The following LRRTM4 variants were observed in gnomAD, a reference collection of about 807,000 sequenced individuals.
LRRTM4 encodes leucine rich repeat transmembrane neuronal 4.
LRRTM4 carries 25 observed loss-of-function variants against 47.6 expected under a neutral mutation model. That is an observed-to-expected ratio of 0.53 (90% confidence interval 0.38 to 0.73). LRRTM4 has a LOEUF of 0.73. Among genes scored for constraint, LRRTM4 ranks in the 30% least tolerant of loss-of-function variants. The pLI is 0.00. For synonymous variants in LRRTM4, 311 were observed against 269.5 expected (o/e 1.15, Z -1.51); for missense variants, 638 against 713.4 (o/e 0.89, Z 1.20).
chr2:76,803,726 A>G (rs1675820948), intron 3 of LRRTM4, among the ~76,000 whole-genome samples: 1 of 152,126 alleles, frequency 6.6e-6, no homozygotes, highest in Non-Finnish European at 1.5e-5. Context: ...TACAAGTTAC[A>G]AGGGTTAACA....
intron 3 of LRRTM4, among the ~76,000 whole-genome samples, chr2:77,005,080 A>G (rs1677587416): frequency 6.6e-6 from 1 of 151,304 alleles, no homozygotes; most frequent in Non-Finnish European, 1.5e-5. Context: ...TTGGACTTGG[A>G]CTTTTGGGTT....
intron 3 of LRRTM4, among the ~76,000 whole-genome samples, chr2:77,242,265 A>G (rs1675288819): frequency 6.6e-6 from 1 of 152,100 alleles, no homozygotes; most frequent in African/African-American, 2.4e-5. Flanking sequence ...GTAGGAATAA[A>G]TTTCTGTCTG....
At chr2:77,229,680 G>A (rs1674911338) in intron 3 of LRRTM4, among the ~76,000 whole-genome samples, 1 of 152,138 alleles carries the variant, frequency 6.6e-6, no homozygotes, top group Non-Finnish European at 1.5e-5. Flanking sequence ...TACCTCTGCA[G>A]TCTATGGCAT....
chr2:76,809,820 G>A (rs968117378), intron 3 of LRRTM4, among the ~76,000 whole-genome samples: 16 of 152,016 alleles, frequency 1.1e-4, no homozygotes, highest in Non-Finnish European at 8.8e-5. Context: ...ATAATCCTTG[G>A]ACATGCTGAG....
At chr2:77,378,588 T>G (rs897720482) in intron 3 of LRRTM4, among the ~76,000 whole-genome samples, 1 of 152,182 alleles carries the variant, frequency 6.6e-6, no homozygotes, top group African/African-American at 2.4e-5. Flanking sequence ...AAAGTTCAAC[T>G]TGTGCTTGGA....
intron 3 of LRRTM4, among the ~76,000 whole-genome samples, chr2:77,232,712 A>G (rs891247579): frequency 6.6e-6 from 1 of 152,244 alleles, no homozygotes; most frequent in African/African-American, 2.4e-5. Flanking sequence ...CTATGAACGT[A>G]TTGTTGCAAA....
intron 3 of LRRTM4, among the ~76,000 whole-genome samples, chr2:76,916,564 G>A (rs190052911): frequency 2.6e-5 from 4 of 152,068 alleles, no homozygotes; most frequent in East Asian, 1.9e-4. Flanking sequence ...TAGGCAATTT[G>A]CAATTAAAAA....
At chr2:77,491,200 G>T (rs904536717) in intron 3 of LRRTM4, among the ~76,000 whole-genome samples, 3 of 152,052 alleles carry the variant, frequency 2.0e-5, no homozygotes, top group Non-Finnish European at 4.4e-5. Flanking sequence ...GAAAAGTAAA[G>T]TGACACAGAA....
At chr2:77,294,243 A>C (rs958105287) in intron 3 of LRRTM4, among the ~76,000 whole-genome samples, 9 of 151,614 alleles carry the variant, frequency 5.9e-5, no homozygotes, top group Non-Finnish European at 1.3e-4. Flanking sequence ...TTCGATCAAT[A>C]GTGACTTTTT....
chr2:76,893,191 A>AT (rs1029437592), intron 3 of LRRTM4, among the ~76,000 whole-genome samples: 1 of 151,684 alleles, frequency 6.6e-6, no homozygotes, highest in African/African-American at 2.4e-5. Flanking sequence ...CATTAGTTAC[A>AT]TTTTGTATTA....
chr2:77,059,218 T>C (rs1321435229), intron 3 of LRRTM4, among the ~76,000 whole-genome samples: 1 of 152,158 alleles, frequency 6.6e-6, no homozygotes, highest in African/African-American at 2.4e-5. Context: ...CACTTCAAAA[T>C]AAACATATTG....
At chr2:76,843,263 G>T (rs1671741217) in intron 3 of LRRTM4, among the ~76,000 whole-genome samples, 1 of 152,008 alleles carries the variant, frequency 6.6e-6, no homozygotes, top group Admixed American at 6.6e-5. Flanking sequence ...TTTGTCCAGG[G>T]TCTATTCTTT....
chr2:76,956,544 T>G (rs1675680697), intron 3 of LRRTM4, among the ~76,000 whole-genome samples: 2 of 150,906 alleles, frequency 1.3e-5, no homozygotes, highest in African/African-American at 4.9e-5. Flanking sequence ...ACTTTATACC[T>G]CAAAGAACTA....
chr2:77,454,676 T>C (rs4561696), intron 3 of LRRTM4, among the ~76,000 whole-genome samples: 6,214 of 152,260 alleles, frequency 0.041, 134 homozygotes, highest in Non-Finnish European at 0.058. Context: ...AAAGGGTTTT[T>C]AAATTTGTTT....
At chr2:76,943,205 T>C (rs1675210104) in intron 3 of LRRTM4, among the ~76,000 whole-genome samples, 1 of 152,116 alleles carries the variant, frequency 6.6e-6, no homozygotes, top group Non-Finnish European at 1.5e-5. Flanking sequence ...CTGTGATGGG[T>C]TCAGAACACC....
chr2:76,796,971 G>A (rs1197435674), intron 3 of LRRTM4, among the ~76,000 whole-genome samples: 1 of 152,076 alleles, frequency 6.6e-6, no homozygotes, highest in Admixed American at 6.5e-5. Context: ...TATGTGAAAA[G>A]ACCAAATCTA....
chr2:76,951,484 GACC>G (rs1675492527), intron 3 of LRRTM4, among the ~76,000 whole-genome samples: 1 of 151,862 alleles, frequency 6.6e-6, no homozygotes, highest in Non-Finnish European at 1.5e-5. Flanking sequence ...CAGGTCACTG[GACC>G]ACATCTTTTT....
At chr2:77,009,113 G>C (rs1558794969) in intron 3 of LRRTM4, 2 of 152,010 alleles carry the variant, frequency 1.3e-5, no homozygotes, top group Non-Finnish European at 2.9e-5. Flanking sequence ...CAATGAAAAA[G>C]TTTGTCAAAA....
chr2:77,073,448 C>A (rs1680229130), intron 3 of LRRTM4, among the ~76,000 whole-genome samples: 1 of 151,888 alleles, frequency 6.6e-6, no homozygotes, highest in Non-Finnish European at 1.5e-5. Flanking sequence ...ATAGCATTTC[C>A]AGTACAGACA....
Sources: gnomAD v4.1 joint callset for allele counts (sites outside exome capture counted in the v4.1 genomes callset) on GRCh38, gnomAD v4.1.1 for gene constraint, MANE v1.5 for transcripts, NCBI Gene and HGNC (gene_info 2026-07-23, HGNC 2026-07-21) for gene names.